GRIK2: variants seen among roughly 807,000 people sequenced by gnomAD.
GRIK2 encodes glutamate ionotropic receptor kainate type subunit 2.
GRIK2 carries 32 observed loss-of-function variants against 100.3 expected under a neutral mutation model. That is an observed-to-expected ratio of 0.32 (90% confidence interval 0.24 to 0.43). The LOEUF is 0.43. Ranked by LOEUF, GRIK2 falls within the 20% of genes least tolerant of loss-of-function variation. The pLI is 1.00. For missense variants in GRIK2, 843 were observed against 1,114.9 expected (o/e 0.76, Z 3.47); for synonymous variants, 417 against 389.4 (o/e 1.07, Z -0.83).
intron 14 of GRIK2, among the ~76,000 whole-genome samples, chr6:101,976,240 A>G (rs1793371059): frequency 6.6e-6 from 1 of 151,984 alleles, no homozygotes; most frequent in Admixed American, 6.6e-5. Flanking sequence ...CCACTGAAGA[A>G]ATTTATCTTC....
intron 7 of GRIK2, among the ~76,000 whole-genome samples, chr6:101,791,586 T>G (rs1779859983): frequency 6.7e-6 from 1 of 148,278 alleles, no homozygotes; most frequent in Admixed American, 7.0e-5. Flanking sequence ...TTTGTTATAA[T>G]TTCTTTTTTT....
At chr6:101,747,198 G>A (rs73761406) in intron 7 of GRIK2, among the ~76,000 whole-genome samples, 6,475 of 152,152 alleles carry the variant, frequency 0.043, 259 homozygotes, top group African/African-American at 0.11. Flanking sequence ...CACATTGAAT[G>A]GGAGGAAGAA....
chr6:101,460,815 A>G (rs778122163), intron 2 of GRIK2, among the ~76,000 whole-genome samples: 6 of 152,206 alleles, frequency 3.9e-5, no homozygotes, highest in Non-Finnish European at 8.8e-5. Context: ...AGCAGAGGAC[A>G]TTCACAATCA....
At chr6:101,835,538 T>A (rs933985820) in intron 10 of GRIK2, among the ~76,000 whole-genome samples, 6 of 136,890 alleles carry the variant, frequency 4.4e-5, no homozygotes, top group Admixed American at 3.3e-4. Context: ...TGGCATGACC[T>A]CGGCTCACTG....
chr6:101,419,846 G>A (rs1422514656), intron 2 of GRIK2, among the ~76,000 whole-genome samples: 1 of 152,178 alleles, frequency 6.6e-6, no homozygotes, highest in Non-Finnish European at 1.5e-5. Context: ...CAATCACACT[G>A]TCAGAACCAA....
chr6:101,433,759 C>T (rs1769556932), intron 2 of GRIK2, among the ~76,000 whole-genome samples: 1 of 152,028 alleles, frequency 6.6e-6, no homozygotes. Flanking sequence ...CATTTTTAGT[C>T]TGAATCTAGA....
intron 4 of GRIK2, among the ~76,000 whole-genome samples, chr6:101,639,855 T>A (rs1020156691): frequency 2.0e-5 from 3 of 152,178 alleles, no homozygotes; most frequent in Non-Finnish European, 4.4e-5. Context: ...TAGGATAGTA[T>A]TTCAGTGACT....
At chr6:101,622,646 T>C (rs553110904) in intron 3 of GRIK2, among the ~76,000 whole-genome samples, 1 of 152,160 alleles carries the variant, frequency 6.6e-6, no homozygotes, top group East Asian at 1.9e-4. Flanking sequence ...AATATTTCTT[T>C]TTGTAACTGA....
chr6:101,512,612 G>A (rs1774376240), intron 2 of GRIK2, among the ~76,000 whole-genome samples: 1 of 151,984 alleles, frequency 6.6e-6, no homozygotes, highest in East Asian at 1.9e-4. Context: ...TGTCAAATAT[G>A]TCAATAATTA....
intron 2 of GRIK2, among the ~76,000 whole-genome samples, chr6:101,405,495 T>C (rs1175970937): frequency 6.6e-6 from 1 of 152,188 alleles, no homozygotes; most frequent in African/African-American, 2.4e-5. Flanking sequence ...ATTTGATTGT[T>C]GGTATTTTTT....
At chr6:101,513,397 G>A (rs1376383466) in intron 2 of GRIK2, among the ~76,000 whole-genome samples, 3 of 152,286 alleles carry the variant, frequency 2.0e-5, no homozygotes, top group South Asian at 2.1e-4. Flanking sequence ...ACAATAGGAT[G>A]ACAGATGTTT....
At chr6:101,418,400 G>A (rs547527172) in intron 2 of GRIK2, among the ~76,000 whole-genome samples, 9 of 152,172 alleles carry the variant, frequency 5.9e-5, no homozygotes, top group South Asian at 2.1e-4. Context: ...ACTAGATTAC[G>A]TATCGAGGGG....
At position 102,035,424 on chromosome 6, in the gene GRIK2, A is replaced by T; in HGVS notation, c.2169A>T (p.Glu723Asp). The T allele has an allele frequency of 6.2e-7, 1 of 1,609,078 alleles. No individual in the cohort carries two copies. Among genetic ancestry groups the T allele is most frequent in the Non-Finnish European group, 8.5e-7 (1 of 1,176,320 alleles). ...CAGTGCTGGTCAAAAGTAATGAAGA[A>T]GGAATCCAGCGAGTCCTCACCTCTG... ...RQSVLVKSNEEGIQRVLTSDY... is the reference protein window; with the variant it reads ...RQSVLVKSNEDGIQRVLTSDY... Residue 723 changes from glutamate (E) to aspartate (D), a missense_variant, in exon 15 of 17, where the codon GAA (glutamate) becomes GAT (aspartate). By Grantham distance (45) the Glu-to-Asp change is conservative (BLOSUM62 2). Coordinates refer to ENST00000369134, the MANE Select transcript of GRIK2 (RefSeq NM_021956.5).
At chr6:101,822,630 T>C (rs1488913646) in intron 10 of GRIK2, among the ~76,000 whole-genome samples, 2 of 152,162 alleles carry the variant, frequency 1.3e-5, no homozygotes, top group Non-Finnish European at 2.9e-5. Context: ...GCCTACTGTG[T>C]CCCAGACATA....
chr6:101,997,468 G>A (rs1794710865), intron 14 of GRIK2, among the ~76,000 whole-genome samples: 1 of 151,900 alleles, frequency 6.6e-6, no homozygotes, highest in African/African-American at 2.4e-5. Context: ...TTCACTCAAT[G>A]TGATTATTAA....
intron 2 of GRIK2, among the ~76,000 whole-genome samples, chr6:101,604,389 T>C (rs1424734371): frequency 6.6e-6 from 1 of 151,886 alleles, no homozygotes; most frequent in African/African-American, 2.4e-5. Context: ...CATCTTCCAT[T>C]TGCCCTTCTG....
intron 12 of GRIK2, among the ~76,000 whole-genome samples, chr6:101,903,838 A>G (rs1307528018): frequency 6.6e-6 from 1 of 151,624 alleles, no homozygotes; most frequent in Non-Finnish European, 1.5e-5. Context: ...CCCATATAAT[A>G]TAAATGCATC....
At chr6:101,567,624 A>C (rs1777340143) in intron 2 of GRIK2, among the ~76,000 whole-genome samples, 1 of 152,098 alleles carries the variant, frequency 6.6e-6, no homozygotes, top group African/African-American at 2.4e-5. Context: ...TGCCAGCTTC[A>C]GAAATTCTTT....
chr6:101,517,476 G>T (rs1006007999), intron 2 of GRIK2, among the ~76,000 whole-genome samples: 1 of 152,082 alleles, frequency 6.6e-6, no homozygotes, highest in Non-Finnish European at 1.5e-5. Flanking sequence ...AGACGATCAA[G>T]AATTTTTACC....
Sources: gnomAD v4.1 joint callset for allele counts (sites outside exome capture counted in the v4.1 genomes callset) on GRCh38, gnomAD v4.1.1 for gene constraint, MANE v1.5 for transcripts, NCBI Gene and HGNC (gene_info 2026-07-23, HGNC 2026-07-21) for gene names.